The following MAD1L1 variants were observed in gnomAD, a reference collection of about 807,000 sequenced individuals.
The protein encoded by MAD1L1 is mitotic arrest deficient 1 like 1.
A neutral mutation model predicts 96.9 loss-of-function variants in MAD1L1; 95 were observed. The observed-to-expected ratio is 0.98, with a 90% CI of 0.83 to 1.16. The LOEUF (loss-of-function observed/expected upper bound fraction) is 1.16. Ranked by LOEUF, MAD1L1 falls within the 50% of genes most tolerant of loss-of-function variation. The pLI is 0.00. For missense variants in MAD1L1, 1,007 were observed against 954.4 expected (o/e 1.06, Z -0.73); for synonymous variants, 473 against 396.6 (o/e 1.19, Z -2.29).
At chr7:2,177,974 C>A (rs529128843) in intron 10 of MAD1L1, among the ~76,000 whole-genome samples, 2 of 152,328 alleles carry the variant, frequency 1.3e-5, no homozygotes, top group South Asian at 4.1e-4. Flanking sequence ...TTTCCAAATT[C>A]ACTTTAGGCA....
intron 11 of MAD1L1, among the ~76,000 whole-genome samples, chr7:2,123,388 G>C (rs55831995): frequency 6.6e-6 from 1 of 152,090 alleles, no homozygotes; most frequent in Non-Finnish European, 1.5e-5. Flanking sequence ...GAGACATTGC[G>C]GGAGGGCTCC....
chr7:2,154,861 T>C (rs1789746314), intron 10 of MAD1L1, among the ~76,000 whole-genome samples: 1 of 152,190 alleles, frequency 6.6e-6, no homozygotes, highest in Admixed American at 6.5e-5. Context: ...GGTCACCTCC[T>C]GAACTCTACA....
At chr7:1,913,805 G>C (rs1251168573) in intron 17 of MAD1L1, among the ~76,000 whole-genome samples, 1 of 152,140 alleles carries the variant, frequency 6.6e-6, no homozygotes, top group African/African-American at 2.4e-5. Flanking sequence ...GGAGTGGAGG[G>C]GAGGCTCCCT....
At chr7:1,934,913 G>A (rs1488895218) in intron 17 of MAD1L1, among the ~76,000 whole-genome samples, 3 of 151,448 alleles carry the variant, frequency 2.0e-5, no homozygotes, top group Non-Finnish European at 4.4e-5. Flanking sequence ...CAGACAACAG[G>A]GGGACAAACA....
chr7:2,125,837 G>A (rs1189708142), intron 11 of MAD1L1, among the ~76,000 whole-genome samples: 2 of 152,248 alleles, frequency 1.3e-5, no homozygotes, highest in Admixed American at 1.3e-4. Flanking sequence ...CATTTGTCCC[G>A]CTTTAAAATC....
intron 12 of MAD1L1, among the ~76,000 whole-genome samples, chr7:2,026,814 T>C (rs1352123656): frequency 6.6e-6 from 1 of 152,296 alleles, no homozygotes; most frequent in East Asian, 1.9e-4. Flanking sequence ...ATGCATATAC[T>C]GTAACACAAG....
At position 2,014,548 on chromosome 7, in the gene MAD1L1, G is replaced by C; in HGVS notation, c.1313C>G (p.Ala438Gly). 1 of 1,610,214 alleles carries C rather than the reference G, an allele frequency of 6.2e-7. No homozygotes were observed. Among genetic ancestry groups the C allele is most frequent in the South Asian group, 1.1e-5 (1 of 90,892 alleles). The change falls in exon 13 of 19, where the codon GCT (alanine) becomes GGT (glycine). Residue 438 changes from alanine to glycine, a missense_variant. Physicochemically the swap from Ala to Gly is moderately conservative, Grantham distance 60. Transcript: ENST00000265854. ...SPQLTRRMRE[A>G]EDMVQKVHSH... Reference sequence around the variant, plus strand: ...GTGCACCTTCTGCACCATATCCTCAGCCTCCCGCATGCGCCGCGTCAGCTG... The same window carrying C: ...GTGCACCTTCTGCACCATATCCTCACCCTCCCGCATGCGCCGCGTCAGCTG...
chr7:2,123,468 A>T (rs1208891215), intron 11 of MAD1L1, among the ~76,000 whole-genome samples: 1 of 152,134 alleles, frequency 6.6e-6, no homozygotes, highest in Non-Finnish European at 1.5e-5. Context: ...CCTGTGTGTG[A>T]GGGCGGCTGA....
At chr7:1,875,406 C>T (rs1423300395) in intron 18 of MAD1L1, among the ~76,000 whole-genome samples, 5 of 152,204 alleles carry the variant, frequency 3.3e-5, no homozygotes, top group Admixed American at 1.3e-4. Context: ...AAGAACAACG[C>T]GAAGTTCTGG....
At chr7:2,029,545 T>C (rs960631483) in intron 12 of MAD1L1, among the ~76,000 whole-genome samples, 1 of 152,192 alleles carries the variant, frequency 6.6e-6, no homozygotes, top group Admixed American at 6.5e-5. Flanking sequence ...ATGTCTGTTA[T>C]GCTCTAATAA....
intron 17 of MAD1L1, among the ~76,000 whole-genome samples, chr7:1,922,856 G>A (rs1487210338): frequency 6.6e-6 from 1 of 152,210 alleles, no homozygotes; most frequent in Non-Finnish European, 1.5e-5. Flanking sequence ...CTGCATTTGT[G>A]CATCCGTTGG....
chr7:2,198,167 G>A (rs966768479), intron 10 of MAD1L1, among the ~76,000 whole-genome samples: 15 of 151,828 alleles, frequency 9.9e-5, no homozygotes, highest in Middle Eastern at 3.2e-3. Context: ...TGTTGCCCAG[G>A]CTGGTCTTGA....
chr7:2,123,521 G>A (rs1015682381), intron 11 of MAD1L1, among the ~76,000 whole-genome samples: 13 of 152,052 alleles, frequency 8.5e-5, no homozygotes, highest in African/African-American at 2.9e-4. Flanking sequence ...TGACGGTAGG[G>A]TTTCCTTCCC....
intron 12 of MAD1L1, among the ~76,000 whole-genome samples, chr7:2,046,406 G>A (rs1047270558): frequency 1.1e-4 from 16 of 152,000 alleles, no homozygotes; most frequent in East Asian, 1.9e-4. Flanking sequence ...CCCGGCGCCC[G>A]TGCCCACCCA....
chr7:1,874,539 G>A (rs866000466), intron 18 of MAD1L1: 71 of 455,154 alleles, frequency 1.6e-4, no homozygotes, highest in African/African-American at 1.2e-3. Context: ...GGCTGAGTGC[G>A]GCTTCCTTAA....
intron 10 of MAD1L1, among the ~76,000 whole-genome samples, chr7:2,205,126 G>A (rs1792533546): frequency 7.5e-6 from 1 of 133,508 alleles, no homozygotes; most frequent in Non-Finnish European, 1.5e-5. Flanking sequence ...TAATACAGAG[G>A]CCAAGATAAC....
In MAD1L1 at chr7:2,230,020, T is replaced by C. The variant is rs934220573; in HGVS notation, c.114A>G (p.Pro38=). The part of the protein sequence containing the change: ...GSGLDISTSA[P]GSLQMQYQQS... The stretch of plus-strand genomic sequence containing the variant: ...GCTGGTACTGCATCTGCAGAGAACC[T>C]GGGGCCGAGGTAGAAATATCCAGTC... The change falls in exon 3 of 19, where the codon CCA becomes CCG. Residue 38 remains proline, a synonymous_variant. Transcript: ENST00000265854. 3 of 1,613,506 alleles carry C rather than the reference T, an allele frequency of 1.9e-6. No homozygotes were observed. The highest frequency in any genetic ancestry group is 2.5e-6 in the Non-Finnish European group (3 of 1,180,020).
intron 14 of MAD1L1, among the ~76,000 whole-genome samples, chr7:2,000,323 G>A (rs527866362): frequency 5.9e-5 from 9 of 151,756 alleles, no homozygotes; most frequent in Non-Finnish European, 1.3e-4. Flanking sequence ...CTCCCACCCC[G>A]GCCTGCCACT....
intron 10 of MAD1L1, among the ~76,000 whole-genome samples, chr7:2,158,921 T>C (rs1350580118): frequency 1.1e-4 from 16 of 149,802 alleles, no homozygotes; most frequent in South Asian, 8.3e-4. Context: ...TCAGACTCTC[T>C]GGTCCCAAGA....
Sources: gnomAD v4.1 joint callset for allele counts (sites outside exome capture counted in the v4.1 genomes callset) on GRCh38, gnomAD v4.1.1 for gene constraint, MANE v1.5 for transcripts, NCBI Gene and HGNC (gene_info 2026-07-23, HGNC 2026-07-21) for gene names.